The following DAZAP1 variants were observed in gnomAD, a reference collection of about 807,000 sequenced individuals.
DAZAP1 encodes DAZ associated protein 1, also known as DAZ-associated protein 1.
In DAZAP1, 6 loss-of-function variants were observed where a neutral mutation model predicts 60.1. That is an observed-to-expected ratio of 0.10 (90% confidence interval 0.05 to 0.20). DAZAP1 has a LOEUF of 0.20. DAZAP1 is among the 10% of genes least tolerant of loss of function. The pLI, the probability that DAZAP1 is intolerant of heterozygous loss-of-function variation, is 1.00. For missense variants in DAZAP1, 366 were observed against 560.4 expected (o/e 0.65, Z 3.50); for synonymous variants, 235 against 215.9 (o/e 1.09, Z -0.78).
chr19:1,419,922 C>T (rs1265595874), intron 4 of DAZAP1, among the ~76,000 whole-genome samples: 1 of 132,094 alleles, frequency 7.6e-6, no homozygotes, highest in Non-Finnish European at 1.6e-5. Flanking sequence ...CGATCGTCAA[C>T]GGCAGCGAGC....
chr19:1,424,358 C>CG (rs1244727776), intron 6 of DAZAP1, among the ~76,000 whole-genome samples: 3 of 128,766 alleles, frequency 2.3e-5, no homozygotes, highest in Non-Finnish European at 5.1e-5. Flanking sequence ...CCCCCTCCCC[C>CG]TCCCCCCTCC....
rs1326773407 is a variant in DAZAP1, at chr19:1,423,260, C to T, written c.463+864C>T. ...CTCCCCACGGTTAGGAGTGCTCCTC[C>T]TCCATGTCGGTTACGCTGTTAAGTC... On this transcript the variant is annotated intron_variant, in intron 6 of 11. Transcript: ENST00000233078. The surrounding 1 kb of genome is among the most constrained non-coding windows in gnomAD (Gnocchi z 6.8). Among the ~76,000 whole-genome samples the T allele has an allele frequency of 1.3e-5, 2 of 152,244 alleles. No homozygotes were observed. Among genetic ancestry groups the T allele is most frequent in the Non-Finnish European group, 2.9e-5 (2 of 68,038 alleles).
chr19:1,430,347 G>T lies in DAZAP1; in HGVS notation c.856G>T (p.Ala286Ser). Reference protein sequence around the residue: ...PPQGFPQGYGAPPQFSFGYGP... With the variant: ...PPQGFPQGYGSPPQFSFGYGP... ...CCAGGGCTTCCCTCAGGGCTACGGTGCCCCGCCACAGTTCAGTAAGTCTAG... is the reference window on the plus strand; with the variant it reads ...CCAGGGCTTCCCTCAGGGCTACGGTTCCCCGCCACAGTTCAGTAAGTCTAG... The change falls in exon 10 of 12, where the codon GCC (alanine) becomes TCC (serine). Residue 286 changes from alanine (A) to serine (S), a missense_variant. Coordinates refer to ENST00000233078, the MANE Select transcript of DAZAP1 (RefSeq NM_018959.4). 6.6e-7 allele frequency: 1 copy of T among 1,523,666 alleles called. No homozygotes were observed. The highest frequency in any genetic ancestry group is 1.4e-5 in the African/African-American group (1 of 71,490). The allele number at this position is 1,523,666 out of a possible 1,614,324, so 94.4% of individuals were successfully genotyped here.
rs866261904 is a variant in DAZAP1 at position 1,430,327 on chromosome 19, G to A, written c.836G>A (p.Gly279Asp). The change falls in exon 10 of 12, where the codon GGC becomes GAC. Residue 279 changes from glycine (G) to aspartate (D), a missense_variant. Coordinates refer to ENST00000233078, the MANE Select transcript of DAZAP1 (RefSeq NM_018959.4). The stretch of plus-strand genomic sequence containing the variant: ...CCTGGAGGCTTTCCCCCTCCCCAGG[G>A]CTTCCCTCAGGGCTACGGTGCCCCG... ...TPPGGFPPPQ[G>D]FPQGYGAPPQ... 1.3e-6 allele frequency: 2 copies of A among 1,563,276 alleles called. No homozygotes were observed. The highest frequency in any genetic ancestry group is 1.4e-5 in the African/African-American group (1 of 73,144).
rs1169564129 is a variant in DAZAP1, at chr19:1,432,420, T to G, written c.872-94T>G. The G allele has an allele frequency of 7.3e-7, 1 of 1,371,454 alleles. No individual in the cohort carries two copies. Among genetic ancestry groups the G allele is most frequent in the Non-Finnish European group, 1.0e-6 (1 of 969,744 alleles). The allele number at this position is 1,371,454 out of a possible 1,614,324, so 85.0% of individuals were successfully genotyped here. A position where few individuals can be genotyped will look rare whatever the true frequency, so the allele number is the denominator to read the frequency against. On this transcript the variant is annotated intron_variant, in intron 10 of 11. Transcript: ENST00000233078. This position sits in a 1 kb window ranked among gnomAD's most constrained non-coding sequence, Gnocchi z 4.9. ...TGTGGGTTTGGGTGGCAGTCCCGTC[T>G]GGGCAGCTCCTGCTGGGCTGGGTGT...
Position 1,434,702 on chromosome 19 carries a change from G to A in DAZAP1, c.1049-35G>A, listed in dbSNP as rs770762662. The A allele has an allele frequency of 1.0e-5, 16 of 1,605,590 alleles. No homozygotes were observed. The highest frequency in any genetic ancestry group is 1.4e-5 in the Non-Finnish European group (16 of 1,176,848). On this transcript the variant is annotated intron_variant, in intron 11 of 11. Transcript: ENST00000233078. This position sits in a 1 kb window ranked among gnomAD's most constrained non-coding sequence, Gnocchi z 8.0. Reference sequence around the variant, plus strand: ...CTCGACGGCAGTGCCAACCGCCCAGGGACCGCCCCGAGCTCACAGGACTTT... The same window carrying A: ...CTCGACGGCAGTGCCAACCGCCCAGAGACCGCCCCGAGCTCACAGGACTTT...
In DAZAP1 at chr19:1,417,457, C is replaced by T. The variant is rs751571993; in HGVS notation, c.30-43C>T. 12 of 1,576,676 alleles carry T rather than the reference C, an allele frequency of 7.6e-6. No individual in the cohort carries two copies. In the African/African-American group the frequency reaches 8.1e-5, roughly 11 times the overall value. ...GGCTTGGATGGGGGCATTTCTAAGG[C>T]GAGCGCTGTCTTGATCCTGAATGTT... On this transcript the variant is annotated intron_variant, in intron 1 of 11. Transcript: ENST00000233078.
In DAZAP1 at chr19:1,425,482, G is replaced by A. The variant is rs779774649; in HGVS notation, c.464-396G>A. On this transcript the variant is annotated intron_variant, in intron 6 of 11. Coordinates refer to ENST00000233078, the MANE Select transcript of DAZAP1 (RefSeq NM_018959.4). The surrounding 1 kb of genome is among the most constrained non-coding windows in gnomAD (Gnocchi z 5.4). The stretch of plus-strand genomic sequence containing the variant: ...CGAGAGCCAGAATATTCAAGCACGG[G>A]CCTCTGACCCTCCCCTGGGGGGCGC... 6.6e-6 allele frequency among the ~76,000 whole-genome samples: 1 copy of A among 152,248 alleles called. No homozygotes were observed. The highest frequency in any genetic ancestry group is 1.5e-5 in the Non-Finnish European group (1 of 68,044).
At chr19:1,408,025 C>CGAA (rs2082714680) in intron 1 of DAZAP1, among the ~76,000 whole-genome samples, 1 of 150,958 alleles carries the variant, frequency 6.6e-6, no homozygotes, top group Admixed American at 6.6e-5. Context: ...CCCGGCTTCC[C>CGAA]GTCCTGGGGG....
intron 1 of DAZAP1, chr19:1,409,866 G>C (rs1306454221): frequency 6.6e-6 from 1 of 152,282 alleles, no homozygotes; most frequent in Non-Finnish European, 1.5e-5. Flanking sequence ...GGGGGGCTCG[G>C]CAGCCTGAGG....
chr19:1,424,394 G>A (rs900889701), intron 6 of DAZAP1, among the ~76,000 whole-genome samples: 14 of 131,406 alleles, frequency 1.1e-4, no homozygotes, highest in East Asian at 4.4e-4. Flanking sequence ...CAGACACTGC[G>A]TGCACAGTCA....
Position 1,418,809 on chromosome 19 carries a change from G to T in DAZAP1, c.303+78G>T. On this transcript the variant is annotated intron_variant, in intron 4 of 11. Coordinates refer to ENST00000233078, the MANE Select transcript of DAZAP1 (RefSeq NM_018959.4). This position sits in a 1 kb window ranked among gnomAD's most constrained non-coding sequence, Gnocchi z 5.7. ...AGGAAATGCGTGCCTTCAATCTGCTGTTGTCGCTCGTTAAGATTGAGGGCG... is the reference window on the plus strand; with the variant it reads ...AGGAAATGCGTGCCTTCAATCTGCTTTTGTCGCTCGTTAAGATTGAGGGCG... The T allele has an allele frequency of 7.0e-7, 1 of 1,425,994 alleles. No individual in the cohort carries two copies. Among genetic ancestry groups the T allele is most frequent in the African/African-American group, 1.4e-5 (1 of 70,034 alleles). The allele number at this position is 1,425,994 out of a possible 1,614,324, so 88.3% of individuals were successfully genotyped here.
At chr19:1,424,046 C>G (rs1397293486) in intron 6 of DAZAP1, among the ~76,000 whole-genome samples, 1 of 152,188 alleles carries the variant, frequency 6.6e-6, no homozygotes, top group African/African-American at 2.4e-5. Context: ...CTTGGCCTTT[C>G]TGCATCTTCT....
chr19:1,430,254 G>GCCCC lies in DAZAP1; in HGVS notation c.767_770dup (p.Pro259AlafsTer169). On this transcript the variant is annotated frameshift_variant, in exon 10 of 12. Transcript: ENST00000233078. LOFTEE classifies it high-confidence loss of function. Reference sequence around the variant, plus strand: ...TGGACCGCCCCCTGCAGGAAGAGGAGCCCCCCCGCCACCCCCACCGTTCAC... The same window carrying GCCCC: ...TGGACCGCCCCCTGCAGGAAGAGGAGCCCCCCCCCCCGCCACCCCCACCGTTCAC... 6 of 1,295,228 alleles carry GCCCC rather than the reference G, an allele frequency of 4.6e-6. No individual in the cohort carries two copies. Among genetic ancestry groups the GCCCC allele is most frequent in the East Asian group, 2.4e-5 (1 of 42,100 alleles). The allele number at this position is 1,295,228 out of a possible 1,614,324, so 80.2% of individuals were successfully genotyped here.
chr19:1,413,575 T>C (rs3786978), intron 1 of DAZAP1, among the ~76,000 whole-genome samples: 16,954 of 152,154 alleles, frequency 0.11, 1,301 homozygotes, highest in East Asian at 0.35. Context: ...GGCTCCTGAG[T>C]GGTAGTAAAA....
rs1464719756 is a variant in DAZAP1, at chr19:1,433,727, G to A, written c.1049-1010G>A. 9 of 1,612,478 alleles carry A rather than the reference G, an allele frequency of 5.6e-6. No homozygotes were observed. The highest frequency in any genetic ancestry group is 2.7e-5 in the African/African-American group (2 of 74,896). ...TGCTTGGGTTGGTCACCCTGGTCTCGTCTCTTGCCAGGCCTGGGTTCCTAT... is the reference window on the plus strand; with the variant it reads ...TGCTTGGGTTGGTCACCCTGGTCTCATCTCTTGCCAGGCCTGGGTTCCTAT... On this transcript the variant is annotated intron_variant, in intron 11 of 11. Coordinates refer to ENST00000233078, the MANE Select transcript of DAZAP1 (RefSeq NM_018959.4). This position sits in a 1 kb window ranked among gnomAD's most constrained non-coding sequence, Gnocchi z 6.1.
chr19:1,427,501 T>C (rs1230156957), intron 7 of DAZAP1: 1 of 151,986 alleles, frequency 6.6e-6, no homozygotes, highest in Non-Finnish European at 1.5e-5. Flanking sequence ...GTTTGTGGAG[T>C]GTTTGGTACC....
Position 1,430,254 on chromosome 19 carries a change from G to GGCCCCCCCCCCCCCCCCCC in DAZAP1, c.763_764insGCCCCCCCCCCCCCCCCCC (p.Ala255GlyfsTer178). ...TGGACCGCCCCCTGCAGGAAGAGGA[G>GGCCCCCCCCCCCCCCCCCC]CCCCCCCGCCACCCCCACCGTTCAC... is the stretch of plus-strand genomic sequence containing the variant. On this transcript the variant is annotated frameshift_variant, in exon 10 of 12. Transcript: ENST00000233078. LOFTEE classifies it high-confidence loss of function. 7.7e-7 allele frequency: 1 copy of GGCCCCCCCCCCCCCCCCCC among 1,295,266 alleles called. No individual in the cohort carries two copies. Among genetic ancestry groups the GGCCCCCCCCCCCCCCCCCC allele is most frequent in the Non-Finnish European group, 1.1e-6 (1 of 924,076 alleles). The allele number at this position is 1,295,266 out of a possible 1,614,324, so 80.2% of individuals were successfully genotyped here. A position where few individuals can be genotyped will look rare whatever the true frequency, so the allele number is the denominator to read the frequency against.
Position 1,418,056 on chromosome 19 carries a change from C to T in DAZAP1, c.71-148C>T, listed in dbSNP as rs1291304105. ...GTGTGTGTTGGGCAGAATTCCCCAGCGCTTCCCGTACACCCCCCACCCCCA... is the reference window on the plus strand; with the variant it reads ...GTGTGTGTTGGGCAGAATTCCCCAGTGCTTCCCGTACACCCCCCACCCCCA... On this transcript the variant is annotated intron_variant, in intron 2 of 11. Transcript: ENST00000233078. The surrounding 1 kb of genome is among the most constrained non-coding windows in gnomAD (Gnocchi z 5.7). 1.1e-5 allele frequency: 8 copies of T among 741,132 alleles called. No homozygotes were observed. The highest frequency in any genetic ancestry group is 3.5e-5 in the South Asian group (2 of 56,576). The allele number at this position is 741,132 out of a possible 1,614,324, so 45.9% of individuals were successfully genotyped here. A position where few individuals can be genotyped will look rare whatever the true frequency, so the allele number is the denominator to read the frequency against.
Sources: allele counts gnomAD v4.1 joint callset (sites outside exome capture counted in the v4.1 genomes callset), GRCh38; gene constraint gnomAD v4.1.1; non-coding constraint Gnocchi (gnomAD v3.1); transcripts MANE v1.5; gene names NCBI Gene and HGNC (gene_info 2026-07-23, HGNC 2026-07-21).